BAG3: variants seen among roughly 807,000 people sequenced by gnomAD.
BAG3 encodes the protein BAG family molecular chaperone regulator 3.
BAG3 carries 14 observed loss-of-function variants against 40.5 expected under a neutral mutation model. The observed-to-expected ratio is 0.35, with a 90% confidence interval of 0.23 to 0.54. The LOEUF (loss-of-function observed/expected upper bound fraction) is 0.54, where lower values mean the gene tolerates loss of function less well. Ranked by LOEUF, BAG3 falls within the 20% of genes least tolerant of loss-of-function variation. The pLI is 0.91. For synonymous variants in BAG3, 302 were observed against 307.8 expected (o/e 0.98, Z 0.20); for missense variants, 788 against 758.6 (o/e 1.04, Z -0.46).
In BAG3 at chr10:119,676,863, C is replaced by A; in HGVS notation, c.1309C>A (p.Gln437Lys). The A allele has an allele frequency of 1.2e-6, 2 of 1,614,194 alleles. No individual in the cohort carries two copies. The highest frequency in any genetic ancestry group is 1.6e-4 in the Middle Eastern group (1 of 6,062). ...CCTGGAGAAGGTACAGGGGCTGGAG[C>A]AGGCTGTAGACAACTTTGAAGGCAA... ...AILEKVQGLE[Q>K]AVDNFEGKKT... The change falls in exon 4 of 4, where the codon CAG becomes AAG. Residue 437 changes from glutamine (Q) to lysine (K), a missense_variant. Transcript: ENST00000369085.
chr10:119,661,576 A>AT (rs1295555518), intron 1 of BAG3, among the ~76,000 whole-genome samples: 3 of 151,910 alleles, frequency 2.0e-5, no homozygotes, highest in African/African-American at 7.3e-5. Flanking sequence ...TTCTAAAAAA[A>AT]TTTTTTTTCC....
intron 1 of BAG3, among the ~76,000 whole-genome samples, chr10:119,653,928 G>A (rs1564767886): frequency 6.6e-6 from 1 of 152,168 alleles, no homozygotes; most frequent in Non-Finnish European, 1.5e-5. Context: ...CCAAGTTATT[G>A]GGTCACTGAC....
chr10:119,667,566 G>C (rs964200834), intron 1 of BAG3, among the ~76,000 whole-genome samples: 4 of 152,186 alleles, frequency 2.6e-5, no homozygotes, highest in African/African-American at 9.7e-5. Flanking sequence ...CCCTGGAAGA[G>C]CCTGTGCCTT....
At chr10:119,670,332 G>A (rs1005833379) in intron 2 of BAG3, among the ~76,000 whole-genome samples, 155 bp downstream of exon 2, 1 of 152,242 alleles carries the variant, frequency 6.6e-6, no homozygotes, top group African/African-American at 2.4e-5. Flanking sequence ...ACCCAGCAAA[G>A]ACAGGGTGAT....
At chr10:119,662,151 G>A (rs1047405593) in intron 1 of BAG3, among the ~76,000 whole-genome samples, 1 of 151,024 alleles carries the variant, frequency 6.6e-6, no homozygotes, top group African/African-American at 2.4e-5. Context: ...GGGTTCAAGC[G>A]ATTCTCCTGC....
In BAG3 at chr10:119,676,813, C is replaced by T. The variant is rs1303615373; in HGVS notation, c.1259C>T (p.Pro420Leu). The change falls in exon 4 of 4, where the codon CCA becomes CTA. Residue 420 changes from proline (P) to leucine (L), a missense_variant. Transcript: ENST00000369085. ...GAAGCCGAGGCTCCCCCAAAACATC[C>T]AGGAGTGCTGAAAGTGGAAGCCATC... is the stretch of plus-strand genomic sequence containing the variant. ...PGEAEAPPKH[P>L]GVLKVEAILE... 2 of 1,614,172 alleles carry T rather than the reference C, an allele frequency of 1.2e-6. No individual in the cohort carries two copies. The highest frequency in any genetic ancestry group is 2.7e-5 in the African/African-American group (2 of 75,046).
chr10:119,656,995 C>T (rs936321364), intron 1 of BAG3, among the ~76,000 whole-genome samples: 1 of 152,152 alleles, frequency 6.6e-6, no homozygotes, highest in African/African-American at 2.4e-5. Context: ...GACAGACAGA[C>T]TTGCCTTTAG....
intron 1 of BAG3, among the ~76,000 whole-genome samples, chr10:119,662,709 C>T (rs1190480461): frequency 1.3e-5 from 2 of 152,224 alleles, no homozygotes; most frequent in African/African-American, 4.8e-5. Flanking sequence ...ATGTGGAGCC[C>T]ACTTTTTAAA....
At chr10:119,675,778 TCC>T (rs1847212345) in intron 3 of BAG3, among the ~76,000 whole-genome samples, 26 of 61,494 alleles carry the variant, frequency 4.2e-4, no homozygotes, top group African/African-American at 7.1e-4. Context: ...CCTCCTTCCC[TCC>T]CCCTCCCTTC....
intron 3 of BAG3, among the ~76,000 whole-genome samples, chr10:119,674,200 C>A (rs146308350): frequency 1.3e-5 from 2 of 152,206 alleles, no homozygotes; most frequent in African/African-American, 4.8e-5. Flanking sequence ...ACTTCTTACA[C>A]AGCCATTGCT....
At chr10:119,675,757 TTCCTTCCTTCCC>T (rs1847209311) in intron 3 of BAG3, among the ~76,000 whole-genome samples, 2 of 95,308 alleles carry the variant, frequency 2.1e-5, no homozygotes, top group East Asian at 2.7e-4. Flanking sequence ...CCTTCTTTCC[TTCCTTCCTTCCC>T]TCCTTCCCTC....
At chr10:119,667,459 G>A (rs1378317830) in intron 1 of BAG3, among the ~76,000 whole-genome samples, 1 of 152,174 alleles carries the variant, frequency 6.6e-6, no homozygotes, top group Non-Finnish European at 1.5e-5. Context: ...AGAAAAGGAA[G>A]CGAAGGCTTA....
chr10:119,665,138 A>AT (rs1442380822), intron 1 of BAG3, among the ~76,000 whole-genome samples: 2 of 82,418 alleles, frequency 2.4e-5, no homozygotes, highest in Admixed American at 1.4e-4. Context: ...ATATATATAT[A>AT]TATATATTTT....
At chr10:119,663,077 G>C (rs1216836904) in intron 1 of BAG3, among the ~76,000 whole-genome samples, 1 of 152,204 alleles carries the variant, frequency 6.6e-6, no homozygotes, top group African/African-American at 2.4e-5. Flanking sequence ...CACAGAAGGT[G>C]CCCATTTTCG....
At chr10:119,671,601 C>T (rs1847150953) in intron 2 of BAG3, among the ~76,000 whole-genome samples, 1 of 152,160 alleles carries the variant, frequency 6.6e-6, no homozygotes, top group South Asian at 2.1e-4. Context: ...TGTGTGCTGG[C>T]CTGGGGCTGA....
At position 119,672,721 on chromosome 10, in the gene BAG3, G is replaced by A. The variant is rs1351533848; in HGVS notation, c.909+65G>A. 2.5e-6 allele frequency: 4 copies of A among 1,600,506 alleles called. No individual in the cohort carries two copies. The highest frequency in any genetic ancestry group is 2.2e-5 in the East Asian group (1 of 44,858). Reference sequence around the variant, plus strand: ...ATGTCTCCAGGGGTGCAGGAGCTCTGTGGGTGCCCTGGGTTCCCCCTTCAT... The same window carrying A: ...ATGTCTCCAGGGGTGCAGGAGCTCTATGGGTGCCCTGGGTTCCCCCTTCAT... On this transcript the variant is annotated intron_variant, in intron 3 of 3. Coordinates refer to ENST00000369085, the MANE Select transcript of BAG3 (RefSeq NM_004281.4). The surrounding 1 kb of genome is among the most constrained non-coding windows in gnomAD (Gnocchi z 4.8).
At chr10:119,663,088 G>A (rs1244031937) in intron 1 of BAG3, among the ~76,000 whole-genome samples, 2 of 152,162 alleles carry the variant, frequency 1.3e-5, no homozygotes, top group Non-Finnish European at 2.9e-5. Context: ...CCCATTTTCG[G>A]GTTTCAGTGA....
Position 119,676,592 on chromosome 10 carries a change from G to T in BAG3, c.1038G>T (p.Val346=), listed in dbSNP as rs991969554. Residue 346 remains valine, a synonymous_variant, in exon 4 of 4, where the codon GTG becomes GTT. Coordinates refer to ENST00000369085, the MANE Select transcript of BAG3 (RefSeq NM_004281.4). ...HIPIQVIRKE[V]DSKPVSQKPP... The stretch of plus-strand genomic sequence containing the variant: ...CAATTCAAGTGATCCGCAAAGAGGT[G>T]GATTCTAAACCTGTTTCCCAGAAGC... 2 of 1,614,068 alleles carry T rather than the reference G, an allele frequency of 1.2e-6. No individual in the cohort carries two copies. The highest frequency in any genetic ancestry group is 1.7e-6 in the Non-Finnish European group (2 of 1,180,012).
chr10:119,655,015 A>G (rs182594921), intron 1 of BAG3, among the ~76,000 whole-genome samples: 1 of 152,312 alleles, frequency 6.6e-6, no homozygotes, highest in East Asian at 1.9e-4. Flanking sequence ...AGGGCCCAGA[A>G]AACTATTAAG....
Sources: gnomAD v4.1 joint callset for allele counts (sites outside exome capture counted in the v4.1 genomes callset) on GRCh38, gnomAD v4.1.1 for gene constraint, Gnocchi (gnomAD v3.1) non-coding constraint, MANE v1.5 for transcripts, NCBI Gene and HGNC (gene_info 2026-07-23, HGNC 2026-07-21) for gene names.